Variants in TCHP observed in about 807,000 individuals in gnomAD.
TCHP encodes the protein trichoplein keratin filament binding, also known as trichoplein keratin filament-binding protein.
Under a neutral mutation model 88.7 loss-of-function variants are expected in TCHP, and 81 were observed. That is an observed-to-expected ratio of 0.91 (90% CI 0.76 to 1.10). The LOEUF is 1.10. Among genes scored for constraint, TCHP ranks in the 50% least tolerant of loss-of-function variants. The pLI is 0.00. For synonymous variants in TCHP, 232 were observed against 232.5 expected, an observed-to-expected ratio of 1.00 and a Z score of 0.02; for missense variants, 641 against 632.1, an observed-to-expected ratio of 1.01 and a Z score of -0.15.
the TCHP span, among the ~76,000 whole-genome samples, chr12:109,893,957 G>A: frequency 1.3e-5 from 2 of 152,162 alleles, no homozygotes; most frequent in East Asian, 1.9e-4. Context: ...GTTGAGGCAC[G>A]TGGATTACTT....
chr12:109,916,919 A>C lies in TCHP; in HGVS notation c.*296A>C, dbSNP rs2136085614. On this transcript the variant is annotated 3_prime_UTR_variant, in exon 13 of 13. Coordinates refer to ENST00000405876, the MANE Select transcript of TCHP (RefSeq NM_001143852.2). ...ACAGTCACATCAACTGAAGGTCAATACTAAGAGCCACAGGTTGTACCTGTG... is the reference window on the plus strand; with the variant it reads ...ACAGTCACATCAACTGAAGGTCAATCCTAAGAGCCACAGGTTGTACCTGTG... 1 of 321,778 alleles carries C rather than the reference A, an allele frequency of 3.1e-6. No individual in the cohort carries two copies. The highest frequency in any genetic ancestry group is 2.1e-5 in the African/African-American group (1 of 46,672). The allele number at this position is 321,778 out of a possible 1,614,324, so 19.9% of individuals were successfully genotyped here.
At chr12:109,888,539 C>A in the TCHP span, 2 of 152,216 alleles carry the variant, frequency 1.3e-5, no homozygotes, top group African/African-American at 2.4e-5. Flanking sequence ...TCTTCCCCAA[C>A]TGAATCATCA....
intron 11 of TCHP, 129 bp downstream of exon 11, chr12:109,914,756 T>C (rs1870705207): frequency 1.4e-6 from 1 of 700,252 alleles, no homozygotes; most frequent in Non-Finnish European, 2.4e-6. Flanking sequence ...TGCTCCCGTT[T>C]CCATCCCAGC....
At position 109,918,038 on chromosome 12, in the gene TCHP, T is replaced by C. The variant is rs912876312; in HGVS notation, c.*1415T>C. On this transcript the variant is annotated 3_prime_UTR_variant, in exon 13 of 13. Transcript: ENST00000405876. ...TGCGTTCCCCATTTCAGATGTCCAG[T>C]AATGGTGAAATAAAATCCTGCTTCG... 2 of 152,200 alleles carry C rather than the reference T, an allele frequency of 1.3e-5. No homozygotes were observed. Among genetic ancestry groups the C allele is most frequent in the East Asian group, 1.9e-4 (1 of 5,200 alleles). The allele number at this position is 152,200 out of a possible 1,614,324, so 9.4% of individuals were successfully genotyped here. A position where few individuals can be genotyped will look rare whatever the true frequency, so the allele number is the denominator to read the frequency against.
At chr12:109,885,478 GTTTTTT>G in the TCHP span, among the ~76,000 whole-genome samples, 1 of 118,176 alleles carries the variant, frequency 8.5e-6, no homozygotes, top group African/African-American at 3.3e-5. Context: ...AAATCTGATG[GTTTTTT>G]TTTTTTTTTT....
intron 5 of TCHP, among the ~76,000 whole-genome samples, chr12:109,907,193 G>A (rs371601225): frequency 2.6e-5 from 4 of 152,234 alleles, no homozygotes; most frequent in African/African-American, 7.2e-5. Context: ...CAGCTAGGAC[G>A]TGTGTCTTTA....
chr12:109,901,231 T>A (rs1449364271), intron 1 of TCHP, among the ~76,000 whole-genome samples: 5 of 152,240 alleles, frequency 3.3e-5, no homozygotes, highest in Non-Finnish European at 5.9e-5. Context: ...GTTTATCTCC[T>A]TTACTTCCTG....
At chr12:109,901,385 A>G (rs1668481048) in intron 1 of TCHP, among the ~76,000 whole-genome samples, 1 of 127,944 alleles carries the variant, frequency 7.8e-6, no homozygotes, top group Non-Finnish European at 1.6e-5. Flanking sequence ...TTCCACATGA[A>G]TTAGCTCTCC....
chr12:109,881,005 T>C, the TCHP span, among the ~76,000 whole-genome samples: 1 of 152,226 alleles, frequency 6.6e-6, no homozygotes, highest in Non-Finnish European at 1.5e-5. Flanking sequence ...AATGACCTTA[T>C]ACCTGTTGAA....
intron 8 of TCHP, among the ~76,000 whole-genome samples, chr12:109,910,031 C>T (rs1370823287): frequency 1.3e-5 from 2 of 151,902 alleles, no homozygotes; most frequent in Admixed American, 6.6e-5. Flanking sequence ...CCCAGATACT[C>T]GGGGGGCTGA....
At chr12:109,894,000 A>G in the TCHP span, among the ~76,000 whole-genome samples, 1 of 152,122 alleles carries the variant, frequency 6.6e-6, no homozygotes, top group African/African-American at 2.4e-5. Context: ...CCTGGCCACT[A>G]TGGTGAAATG....
At position 109,911,094 on chromosome 12, in the gene TCHP, T is replaced by G; in HGVS notation, c.911T>G (p.Leu304Arg). 6.3e-7 allele frequency: 1 copy of G among 1,595,440 alleles called. No individual in the cohort carries two copies. ...EADRRILQAL[L>R]EKEDESQRLH... ...GACAGGCGGATCCTGCAGGCCCTCC[T>G]CGAGAAGGAGGACGAGAGCCAGCGC... The change falls in exon 9 of 13, where the codon CTC becomes CGC. Residue 304 changes from leucine (L) to arginine (R), a missense_variant. Transcript: ENST00000405876.
chr12:109,914,328 G>A (rs1870671253), intron 10 of TCHP, 114 bp from the exon 11 acceptor site: 1 of 931,856 alleles, frequency 1.1e-6, no homozygotes, highest in Admixed American at 2.8e-5. Context: ...ACCTGGGCCT[G>A]AGGCCCAAGG....
intron 8 of TCHP, among the ~76,000 whole-genome samples, chr12:109,909,348 G>A (rs1870351498): frequency 6.6e-6 from 1 of 152,192 alleles, no homozygotes; most frequent in African/African-American, 2.4e-5. Context: ...ACAACACAAA[G>A]TGAGATCACC....
chr12:109,896,953 G>A (rs1161068157), upstream of TCHP, among the ~76,000 whole-genome samples: 1 of 152,088 alleles, frequency 6.6e-6, no homozygotes, highest in African/African-American at 2.4e-5. Flanking sequence ...TATATAGATA[G>A]ATAGATAGAG....
chr12:109,904,425 A>G (rs1425515419), intron 3 of TCHP, among the ~76,000 whole-genome samples: 2 of 152,134 alleles, frequency 1.3e-5, no homozygotes, highest in Non-Finnish European at 1.5e-5. Flanking sequence ...TTTACCTTCC[A>G]AAGTAGTTAT....
chr12:109,910,311 G>A (rs2136077523), intron 8 of TCHP, among the ~76,000 whole-genome samples: 1 of 152,298 alleles, frequency 6.6e-6, no homozygotes, highest in East Asian at 1.9e-4. Flanking sequence ...CAGTGGCATG[G>A]TTGGTCCTGG....
At chr12:109,907,402 G>C in intron 5 of TCHP, 124 bp from the exon 6 acceptor site, 7 of 969,014 alleles carry the variant, frequency 7.2e-6, no homozygotes, top group Non-Finnish European at 7.9e-6. Context: ...GTCTGAGGGC[G>C]TTGTCATTTG....
Position 109,903,331 on chromosome 12 carries a change from G to A in TCHP, c.188+117G>A. 3.3e-6 allele frequency: 3 copies of A among 907,494 alleles called. No individual in the cohort carries two copies. The highest frequency in any genetic ancestry group is 4.9e-6 in the Non-Finnish European group (3 of 616,080). The allele number at this position is 907,494 out of a possible 1,614,324, so 56.2% of individuals were successfully genotyped here. A position where few individuals can be genotyped will look rare whatever the true frequency, so the allele number is the denominator to read the frequency against. ...GCCAGGCAGTATGAATTACCTGCAT[G>A]GTGATGTTTTTCCAGCTGGAAATGG... On this transcript the variant is annotated intron_variant, in intron 2 of 12. Transcript: ENST00000405876. This position sits in a 1 kb window ranked among gnomAD's most constrained non-coding sequence, Gnocchi z 4.6.
Sources: gnomAD v4.1 joint callset for allele counts (sites outside exome capture counted in the v4.1 genomes callset) on GRCh38, gnomAD v4.1.1 for gene constraint, Gnocchi (gnomAD v3.1) non-coding constraint, MANE v1.5 for transcripts, NCBI Gene and HGNC (gene_info 2026-07-23, HGNC 2026-07-21) for gene names.